FAS: variants seen among roughly 807,000 people sequenced by gnomAD.
FAS encodes tumor necrosis factor receptor superfamily member 6.
In FAS, 5 loss-of-function variants were observed where a neutral mutation model predicts 33.2. The observed-to-expected ratio is 0.15, with a 90% CI of 0.08 to 0.32. The LOEUF (loss-of-function observed/expected upper bound fraction) is 0.32, where lower values mean the gene tolerates loss of function less well. Among genes scored for constraint, FAS ranks in the 10% least tolerant of loss-of-function variants. FAS has a pLI of 1.00. For missense variants in FAS, 339 were observed against 386.0 expected, an observed-to-expected ratio of 0.88 and a Z score of 1.02; for synonymous variants, 131 against 130.7, an observed-to-expected ratio of 1.00 and a Z score of -0.01.
At chr10:88,964,747 GTATCTACA>G (rs1485090267) in intron 1 of FAS, among the ~76,000 whole-genome samples, 1 of 152,130 alleles carries the variant, frequency 6.6e-6, no homozygotes, top group Non-Finnish European at 1.5e-5. Flanking sequence ...TCAGCAAAAA[GTATCTACA>G]TATCTTGTAC....
intron 1 of FAS, among the ~76,000 whole-genome samples, chr10:88,964,255 G>A (rs976916061): frequency 2.0e-5 from 3 of 152,104 alleles, no homozygotes; most frequent in Admixed American, 6.6e-5. Flanking sequence ...AGAAAAAAGC[G>A]AACAGAAGTT....
In FAS at chr10:89,013,063, T is replaced by C. The variant is rs529006902; in HGVS notation, c.652-280T>C. Among the ~76,000 whole-genome samples the C allele has an allele frequency of 4.6e-5, 7 of 152,280 alleles. No individual in the cohort carries two copies. The South Asian group carries it at 1.5e-3, about 32-fold the overall frequency. ...TATTATTTATTTTAATAAGTCTATATGAAAAATAACCTCAACCTATTTTAT... is the reference window on the plus strand; with the variant it reads ...TATTATTTATTTTAATAAGTCTATACGAAAAATAACCTCAACCTATTTTAT... On this transcript the variant is annotated intron_variant, in intron 7 of 8. Transcript: ENST00000652046.
At chr10:88,972,751 C>T (rs1191193260) in intron 1 of FAS, among the ~76,000 whole-genome samples, 1 of 152,088 alleles carries the variant, frequency 6.6e-6, no homozygotes, top group East Asian at 1.9e-4. Flanking sequence ...TATTATAAGC[C>T]TCATACAATG....
chr10:88,979,204 C>T (rs766175304), intron 2 of FAS, among the ~76,000 whole-genome samples: 8 of 151,224 alleles, frequency 5.3e-5, no homozygotes, highest in Non-Finnish European at 1.2e-4. Flanking sequence ...TGTGTATGAG[C>T]GTAGGGATCT....
intron 4 of FAS, among the ~76,000 whole-genome samples, chr10:89,009,590 G>A (rs1211982324): frequency 6.6e-6 from 1 of 152,188 alleles, no homozygotes; most frequent in African/African-American, 2.4e-5. Context: ...AGGCTAAAGA[G>A]GTTGGTTTTG....
chr10:88,998,277 C>T (rs1297933048), intron 1 of FAS, among the ~76,000 whole-genome samples: 1 of 151,476 alleles, frequency 6.6e-6, no homozygotes, highest in African/African-American at 2.4e-5. Flanking sequence ...GTCCAAATTT[C>T]CTCTTCTTTT....
intron 2 of FAS, chr10:88,974,540 C>A (rs1017312781): frequency 6.6e-6 from 1 of 152,056 alleles, no homozygotes; most frequent in Non-Finnish European, 1.5e-5. Flanking sequence ...TTAATAGTAA[C>A]AAGGTCTCAC....
Position 89,015,843 on chromosome 10 carries a change from C to A in FAS, c.*1393C>A, listed in dbSNP as rs1218853388. 2 of 420,566 alleles carry A rather than the reference C, an allele frequency of 4.8e-6. No individual in the cohort carries two copies. Among genetic ancestry groups the A allele is most frequent in the African/African-American group, 2.0e-5 (1 of 50,208 alleles). 26.1% of individuals were successfully genotyped at this position (420,566 alleles called of 1,614,324 possible). A position where few individuals can be genotyped will look rare whatever the true frequency, so the allele number is the denominator to read the frequency against. On this transcript the variant is annotated 3_prime_UTR_variant, in exon 9 of 9. Coordinates refer to ENST00000652046, the MANE Select transcript of FAS (RefSeq NM_000043.6). ...CTTTTTGGTTTTGTCTTCCTTTTCT[C>A]TAACTGATGCTAAATATAACTTGTC...
intron 1 of FAS, among the ~76,000 whole-genome samples, chr10:88,966,791 A>C (rs568155323): frequency 2.0e-5 from 3 of 152,322 alleles, no homozygotes; most frequent in Admixed American, 2.0e-4. Flanking sequence ...ATGTTTTGAA[A>C]ACTATTAAGT....
At position 89,015,774 on chromosome 10, in the gene FAS, A is replaced by G; in HGVS notation, c.*1324A>G. On this transcript the variant is annotated 3_prime_UTR_variant, in exon 9 of 9. Transcript: ENST00000652046. ...ATAGGTAAAAGTACGTAATTAAATAATGTTTTTGGTATTTCTGGTTTTCTC... is the reference window on the plus strand; with the variant it reads ...ATAGGTAAAAGTACGTAATTAAATAGTGTTTTTGGTATTTCTGGTTTTCTC... The G allele has an allele frequency of 2.1e-6, 1 of 482,270 alleles. No individual in the cohort carries two copies. Among genetic ancestry groups the G allele is most frequent in the South Asian group, 1.9e-5 (1 of 52,882 alleles). 29.9% of individuals were successfully genotyped at this position (482,270 alleles called of 1,614,324 possible). A position where few individuals can be genotyped will look rare whatever the true frequency, so the allele number is the denominator to read the frequency against.
upstream of FAS, among the ~76,000 whole-genome samples, chr10:88,989,231 T>C (rs1018805845): frequency 3.9e-5 from 6 of 152,222 alleles, no homozygotes; most frequent in African/African-American, 4.8e-5. Context: ...ACTCAAGAGA[T>C]ACTGATTTTG....
chr10:89,015,029 T>C lies in FAS; in HGVS notation c.*579T>C. 1 of 533,854 alleles carries C rather than the reference T, an allele frequency of 1.9e-6. No homozygotes were observed. Among genetic ancestry groups the C allele is most frequent in the African/African-American group, 1.9e-5 (1 of 53,976 alleles). The allele number at this position is 533,854 out of a possible 1,614,324, so 33.1% of individuals were successfully genotyped here. On this transcript the variant is annotated 3_prime_UTR_variant, in exon 9 of 9. Coordinates refer to ENST00000652046, the MANE Select transcript of FAS (RefSeq NM_000043.6). ...CTACCTCAAAGACCTTTGCACAGTT[T>C]ATTGGTGTCATATTATACAATATTT...
chr10:89,002,914 A>G (rs1355686838), intron 1 of FAS, 115 bp from the exon 2 acceptor site: 4 of 1,054,192 alleles, frequency 3.8e-6, no homozygotes, highest in Non-Finnish European at 5.8e-6. Flanking sequence ...TGGAGCCCTC[A>G]CATTGTCTTT....
intron 1 of FAS, among the ~76,000 whole-genome samples, chr10:88,992,051 G>A (rs1403167002): frequency 6.6e-6 from 1 of 152,166 alleles, no homozygotes; most frequent in Non-Finnish European, 1.5e-5. Context: ...ATGGCGAAAT[G>A]AGGTTCAGAG....
In FAS at chr10:89,005,266, C is replaced by T. The variant is rs562067219; in HGVS notation, c.196+2072C>T. ...GACAAACAGGAAATTATAGGTGATG[C>T]ATTATGGATGTGACTTAAGAAAGAA... On this transcript the variant is annotated intron_variant, in intron 2 of 8. Coordinates refer to ENST00000652046, the MANE Select transcript of FAS (RefSeq NM_000043.6). 2.6e-5 allele frequency among the ~76,000 whole-genome samples: 4 copies of T among 151,876 alleles called. 1 individual carries two copies. In the East Asian group the frequency reaches 5.8e-4, roughly 22 times the overall value.
In FAS at chr10:89,014,690, A is replaced by G; in HGVS notation, c.*240A>G. The G allele has an allele frequency of 4.5e-6, 3 of 659,602 alleles. No homozygotes were observed. Among genetic ancestry groups the G allele is most frequent in the Non-Finnish European group, 8.4e-6 (3 of 358,960 alleles). 40.9% of individuals were successfully genotyped at this position (659,602 alleles called of 1,614,324 possible). A position where few individuals can be genotyped will look rare whatever the true frequency, so the allele number is the denominator to read the frequency against. The stretch of plus-strand genomic sequence containing the variant: ...AAATGCAGTGGCATGCTAAGTACCC[A>G]AATAGGAGTGTATGCAGAGGATGAA... On this transcript the variant is annotated 3_prime_UTR_variant, in exon 9 of 9. Coordinates refer to ENST00000652046, the MANE Select transcript of FAS (RefSeq NM_000043.6).
At chr10:88,989,995 G>C (rs937846126), upstream of FAS, among the ~76,000 whole-genome samples, 2 of 152,184 alleles carry the variant, frequency 1.3e-5, no homozygotes, top group African/African-American at 4.8e-5. Context: ...AGAATTACAA[G>C]ATTTTTTTTT....
chr10:88,979,653 C>T (rs992349696), intron 2 of FAS, among the ~76,000 whole-genome samples: 4 of 151,530 alleles, frequency 2.6e-5, no homozygotes, highest in African/African-American at 7.3e-5. Flanking sequence ...AGAGATGGGG[C>T]GAGAACAGCA....
chr10:88,998,188 G>A (rs138179120), intron 1 of FAS, among the ~76,000 whole-genome samples: 34 of 152,276 alleles, frequency 2.2e-4, no homozygotes, highest in Non-Finnish European at 4.6e-4. Flanking sequence ...TGAGGACCAC[G>A]AGGGCAGGAT....
Sources: allele counts gnomAD v4.1 joint callset (sites outside exome capture counted in the v4.1 genomes callset), GRCh38; gene constraint gnomAD v4.1.1; transcripts MANE v1.5; gene names NCBI Gene and HGNC (gene_info 2026-07-23, HGNC 2026-07-21).